Variants in PDE8B observed in about 807,000 individuals in gnomAD.
PDE8B encodes the protein high affinity cAMP-specific and IBMX-insensitive 3',5'-cyclic phosphodiesterase 8B.
Under a neutral mutation model 101.3 loss-of-function variants are expected in PDE8B, and 26 were observed. That is an observed-to-expected ratio of 0.26 (90% confidence interval 0.19 to 0.36). The LOEUF is 0.36. Among genes scored for constraint, PDE8B ranks in the 10% least tolerant of loss-of-function variants. The pLI, the probability that PDE8B is intolerant of heterozygous loss-of-function variation, is 1.00. For synonymous variants in PDE8B, 424 were observed against 429.3 expected, an observed-to-expected ratio of 0.99 and a Z score of 0.15; for missense variants, 810 against 1,163.1, an observed-to-expected ratio of 0.70 and a Z score of 4.42.
At chr5:77,098,476 G>A in the PDE8B span, among the ~76,000 whole-genome samples, 1 of 151,780 alleles carries the variant, frequency 6.6e-6, no homozygotes, top group Non-Finnish European at 1.5e-5. Context: ...TTTTTTTGAA[G>A]GTAGAGACAG....
chr5:77,142,387 C>T, the PDE8B span: 1 of 152,132 alleles, frequency 6.6e-6, no homozygotes, highest in Non-Finnish European at 1.5e-5. Context: ...AGTGTACGTA[C>T]CCATGGAATC....
the PDE8B span, among the ~76,000 whole-genome samples, chr5:77,108,878 T>C: frequency 5.3e-5 from 8 of 152,224 alleles, no homozygotes; most frequent in African/African-American, 1.7e-4. Context: ...CAGTTCATGA[T>C]TATTTGTGAC....
chr5:77,201,717 C>T, the PDE8B span, among the ~76,000 whole-genome samples: 3 of 152,150 alleles, frequency 2.0e-5, no homozygotes, highest in East Asian at 1.9e-4. Flanking sequence ...CCTAAGGATT[C>T]GTTTTCAGTA....
At chr5:77,372,259 G>A (rs1444158821) in intron 10 of PDE8B, among the ~76,000 whole-genome samples, 1 of 152,096 alleles carries the variant, frequency 6.6e-6, no homozygotes, top group Non-Finnish European at 1.5e-5. Flanking sequence ...CTTTCTACTT[G>A]TGAACTTGCT....
the PDE8B span, among the ~76,000 whole-genome samples, chr5:77,099,624 C>A: frequency 4.2e-5 from 6 of 141,648 alleles, no homozygotes; most frequent in Non-Finnish European, 7.7e-5. Flanking sequence ...TTTTTTTTTT[C>A]TTTGTGAGAC....
chr5:77,191,981 C>T, the PDE8B span, among the ~76,000 whole-genome samples: 3 of 152,288 alleles, frequency 2.0e-5, no homozygotes, highest in South Asian at 6.2e-4. Context: ...CCGTTGCATA[C>T]GCAGTTCACA....
At chr5:77,315,051 A>G (rs1396843004) in intron 2 of PDE8B, among the ~76,000 whole-genome samples, 2 of 151,974 alleles carry the variant, frequency 1.3e-5, no homozygotes, top group African/African-American at 4.8e-5. Flanking sequence ...GAGTTGTATG[A>G]GTTCTTTATA....
chr5:77,380,629 A>G (rs986096876), intron 10 of PDE8B, among the ~76,000 whole-genome samples: 1 of 152,242 alleles, frequency 6.6e-6, no homozygotes. Flanking sequence ...GTCAATCTCA[A>G]TCTCTTATGG....
In PDE8B at chr5:77,351,100, C is replaced by T. The variant is rs753464504; in HGVS notation, c.1053C>T (p.Ser351=). The part of the protein sequence containing the change: ...WQGVYYARRK[S]GDSIQQHVKI... The stretch of plus-strand genomic sequence containing the variant: ...GGGTTTACTATGCCAGACGGAAATC[C>T]GGGGACAGCATCCAACAGCACGTGA... The change falls in exon 9 of 22, where the codon TCC becomes TCT. Residue 351 remains serine (S), a synonymous_variant. Transcript: ENST00000264917. The T allele has an allele frequency of 2.4e-5, 39 of 1,613,916 alleles. No individual in the cohort carries two copies. The highest frequency in any genetic ancestry group is 6.7e-5 in the African/African-American group (5 of 74,910).
At chr5:77,245,481 GTC>G (rs1209235167) in intron 1 of PDE8B, among the ~76,000 whole-genome samples, 3 of 152,186 alleles carry the variant, frequency 2.0e-5, no homozygotes, top group Non-Finnish European at 4.4e-5. Context: ...AGAATTGACA[GTC>G]TCTCTGATCG....
At position 77,406,203 on chromosome 5, in the gene PDE8B, TG is replaced by T. The variant is rs1486131013; in HGVS notation, c.1289-1177del. 3.9e-5 allele frequency among the ~76,000 whole-genome samples: 6 copies of T among 152,286 alleles called. No homozygotes were observed. The East Asian group carries it at 7.7e-4, about 20-fold the overall frequency. ...AGGAGGCTGAGGCATGGGATTCGCT[TG>T]AACCCAGGAGGCGGAGGTTGTGGTG... On this transcript the variant is annotated intron_variant, in intron 12 of 21. Transcript: ENST00000264917.
chr5:77,167,053 G>A, the PDE8B span: 3 of 152,338 alleles, frequency 2.0e-5, no homozygotes, highest in Non-Finnish European at 2.9e-5. Context: ...TTTGTTGAAT[G>A]TAGTGATTTC....
chr5:77,233,521 A>G (rs1754009379), intron 1 of PDE8B, among the ~76,000 whole-genome samples: 1 of 152,178 alleles, frequency 6.6e-6, no homozygotes, highest in South Asian at 2.1e-4. Flanking sequence ...TACTATGGTA[A>G]GCTTTCCAAT....
chr5:77,215,482 T>G (rs1469457379), intron 1 of PDE8B, among the ~76,000 whole-genome samples: 1 of 152,250 alleles, frequency 6.6e-6, no homozygotes, highest in East Asian at 1.9e-4. Context: ...CACATTTTCC[T>G]TATTTTCATG....
intron 10 of PDE8B, among the ~76,000 whole-genome samples, chr5:77,389,336 C>T (rs1789408707): frequency 6.6e-6 from 1 of 152,168 alleles, no homozygotes; most frequent in Non-Finnish European, 1.5e-5. Flanking sequence ...ATTCTCCGAC[C>T]ACTTGTGTTT....
At chr5:77,124,016 TC>T in the PDE8B span, among the ~76,000 whole-genome samples, 1 of 152,190 alleles carries the variant, frequency 6.6e-6, no homozygotes, top group Admixed American at 6.5e-5. Flanking sequence ...TAAATGCTAC[TC>T]TAGAACACGC....
Position 77,211,179 on chromosome 5 carries a change from C to G in PDE8B, c.254C>G (p.Pro85Arg). 6.5e-7 allele frequency: 1 copy of G among 1,541,330 alleles called. No homozygotes were observed. Among genetic ancestry groups the G allele is most frequent in the Non-Finnish European group, 8.7e-7 (1 of 1,150,804 alleles). The part of the protein sequence containing the change: ...GSGSSAGSAA[P>R]AATTSRGRRR... ...GGTAGCAGCGCGGGTTCCGCAGCCC[C>G]CGCCGCGACCACCAGCAGGGGCCGG... The change falls in exon 1 of 22, where the codon CCC (proline) becomes CGC (arginine). Residue 85 changes from proline to arginine, a missense_variant. Pro to Arg is a moderately radical substitution (Grantham distance 103). Transcript: ENST00000264917. This position sits in a 1 kb window ranked among gnomAD's most constrained non-coding sequence, Gnocchi z 4.1.
intron 6 of PDE8B, among the ~76,000 whole-genome samples, chr5:77,342,217 A>G (rs1305411914): frequency 1.3e-5 from 2 of 152,354 alleles, no homozygotes; most frequent in African/African-American, 2.4e-5. Context: ...AAACATAACA[A>G]CAGGTATCTA....
At chr5:77,292,921 C>T (rs1349800996) in intron 1 of PDE8B, among the ~76,000 whole-genome samples, 2 of 151,998 alleles carry the variant, frequency 1.3e-5, no homozygotes, top group African/African-American at 4.8e-5. Context: ...GGCTTCCGGG[C>T]CCTTGAATGC....
Sources: allele counts gnomAD v4.1 joint callset (sites outside exome capture counted in the v4.1 genomes callset), GRCh38; gene constraint gnomAD v4.1.1; non-coding constraint Gnocchi (gnomAD v3.1); transcripts MANE v1.5; gene names NCBI Gene and HGNC (gene_info 2026-07-23, HGNC 2026-07-21).